Variants in EIF4E3 observed in about 807,000 individuals in gnomAD.
EIF4E3 encodes the protein eukaryotic translation initiation factor 4E type 3.
Under a neutral mutation model 31.7 loss-of-function variants are expected in EIF4E3, and 26 were observed. The ratio of observed to expected loss-of-function variants is 0.82; its 90% CI spans 0.60 to 1.14. The LOEUF (loss-of-function observed/expected upper bound fraction) is 1.14. Among genes scored for constraint, EIF4E3 ranks in the 50% most tolerant of loss-of-function variants. EIF4E3 has a pLI of 0.00. For missense variants in EIF4E3, 304 were observed against 270.9 expected (o/e 1.12, Z -0.86); for synonymous variants, 128 against 107.7 (o/e 1.19, Z -1.17).
Position 71,699,654 on chromosome 3 carries a change from A to G in EIF4E3, c.304T>C (p.Cys102Arg). The G allele has an allele frequency of 6.2e-7, 1 of 1,613,768 alleles. No individual in the cohort carries two copies. The highest frequency in any genetic ancestry group is 8.5e-7 in the Non-Finnish European group (1 of 1,179,892). ...TCTCCTCTCATTAAATGATAACTAC[A>G]TCTCAAAGGCAGGCTAGTCACAGGA... ...IPPVTSLPLRCSYHLMRGERR... is the reference protein window; with the variant it reads ...IPPVTSLPLRRSYHLMRGERR... Residue 102 changes from cysteine (C) to arginine (R), a missense_variant, in exon 3 of 7, where the codon TGT becomes CGT. Coordinates refer to ENST00000425534, the MANE Select transcript of EIF4E3 (RefSeq NM_001134651.2).
At chr3:71,717,223 A>C (rs1369833041) in intron 1 of EIF4E3, among the ~76,000 whole-genome samples, 1 of 152,178 alleles carries the variant, frequency 6.6e-6, no homozygotes, top group Non-Finnish European at 1.5e-5. Context: ...TCCTCATGAG[A>C]CCTGCTAAAT....
chr3:71,722,928 T>C (rs777635297), intron 1 of EIF4E3, among the ~76,000 whole-genome samples: 1 of 152,216 alleles, frequency 6.6e-6, no homozygotes, highest in Non-Finnish European at 1.5e-5. Context: ...CTGTGAGACA[T>C]AGCCTATGAC....
rs1172405482 is a variant in EIF4E3, at chr3:71,677,646, A to T, written c.*7036T>A. On this transcript the variant is annotated 3_prime_UTR_variant, in exon 7 of 7. Transcript: ENST00000425534. ...GCCCTGCTCTTCAACGATTTCATTAAATTCGCTGTGTTAAAATTAATTAGG... is the reference window on the plus strand; with the variant it reads ...GCCCTGCTCTTCAACGATTTCATTATATTCGCTGTGTTAAAATTAATTAGG... 2 of 152,212 alleles carry T rather than the reference A, an allele frequency of 1.3e-5. No individual in the cohort carries two copies. Among genetic ancestry groups the T allele is most frequent in the Non-Finnish European group, 2.9e-5 (2 of 68,030 alleles). The allele number at this position is 152,212 out of a possible 1,614,324, so 9.4% of individuals were successfully genotyped here.
intron 1 of EIF4E3, among the ~76,000 whole-genome samples, chr3:71,739,987 G>A (rs1374510640): frequency 2.6e-5 from 4 of 152,112 alleles, no homozygotes; most frequent in Non-Finnish European, 4.4e-5. Flanking sequence ...AATTGTTATA[G>A]TGTATGTGAA....
At chr3:71,754,039 G>A, upstream of EIF4E3, 2 of 1,223,954 alleles carry the variant, frequency 1.6e-6, no homozygotes, top group Non-Finnish European at 1.0e-6. The surrounding 1 kb of genome is among the most constrained non-coding windows in gnomAD (Gnocchi z 5.8). Context: ...GCACGGCCTG[G>A]TGAGGCCGCG....
intron 1 of EIF4E3, among the ~76,000 whole-genome samples, chr3:71,743,477 G>A (rs1012821628): frequency 8.5e-5 from 13 of 152,126 alleles, no homozygotes; most frequent in African/African-American, 3.1e-4. Flanking sequence ...AGAAATAAAA[G>A]AAGAGCTGAA....
At chr3:71,754,697 CG>C, upstream of EIF4E3, 1 of 1,492,164 alleles carries the variant, frequency 6.7e-7, no homozygotes. This position sits in a 1 kb window ranked among gnomAD's most constrained non-coding sequence, Gnocchi z 5.8. Flanking sequence ...AGATGCGGCC[CG>C]CGCGCCTGGT....
intron 1 of EIF4E3, among the ~76,000 whole-genome samples, chr3:71,752,687 G>A (rs750297737): frequency 1.3e-5 from 2 of 152,218 alleles, no homozygotes; most frequent in Non-Finnish European, 2.9e-5. Flanking sequence ...AGCCTAGTTA[G>A]AAGAGCATGA....
the EIF4E3 span, among the ~76,000 whole-genome samples, chr3:71,665,753 C>T: frequency 6.6e-6 from 1 of 152,198 alleles, no homozygotes; most frequent in Non-Finnish European, 1.5e-5. Flanking sequence ...AACAGTCTCT[C>T]CGACCACAGT....
At position 71,677,979 on chromosome 3, in the gene EIF4E3, C is replaced by T. The variant is rs1449460176; in HGVS notation, c.*6703G>A. The stretch of plus-strand genomic sequence containing the variant: ...GTTTTCTAAGAGACCCAGATGAGCC[C>T]TATTATCAAATGTGTTCAACAGGGA... On this transcript the variant is annotated 3_prime_UTR_variant, in exon 7 of 7. Coordinates refer to ENST00000425534, the MANE Select transcript of EIF4E3 (RefSeq NM_001134651.2). 2.0e-5 allele frequency: 3 copies of T among 152,114 alleles called. No individual in the cohort carries two copies. Among genetic ancestry groups the T allele is most frequent in the Admixed American group, 6.5e-5 (1 of 15,276 alleles). The allele number at this position is 152,114 out of a possible 1,614,324, so 9.4% of individuals were successfully genotyped here.
downstream of EIF4E3, among the ~76,000 whole-genome samples, chr3:71,671,830 G>A (rs1319240784): frequency 1.3e-5 from 2 of 151,298 alleles, no homozygotes; most frequent in Non-Finnish European, 2.9e-5. Context: ...AAGCCTTTTT[G>A]GGAAGGACAT....
chr3:71,738,418 C>G (rs374363398), intron 1 of EIF4E3, among the ~76,000 whole-genome samples: 4 of 152,070 alleles, frequency 2.6e-5, no homozygotes, highest in African/African-American at 7.2e-5. Context: ...ATAAAAAACT[C>G]ACTTCAAATA....
intron 1 of EIF4E3, among the ~76,000 whole-genome samples, chr3:71,710,743 A>C (rs562883467): frequency 6.6e-6 from 1 of 152,362 alleles, no homozygotes; most frequent in East Asian, 1.9e-4. Context: ...TTAATAAGAA[A>C]GGGAATGGAC....
intron 2 of EIF4E3, among the ~76,000 whole-genome samples, chr3:71,700,571 A>G (rs1429339349): frequency 1.4e-5 from 2 of 147,622 alleles, no homozygotes; most frequent in African/African-American, 5.0e-5. Context: ...CCGAGATCAC[A>G]CCATTGCACT....
the EIF4E3 span, among the ~76,000 whole-genome samples, chr3:71,662,275 A>G: frequency 6.6e-6 from 1 of 152,156 alleles, no homozygotes; most frequent in Non-Finnish European, 1.5e-5. Flanking sequence ...GGAATCACAC[A>G]GGGCTGTGGT....
upstream of EIF4E3, chr3:71,754,013 G>C (rs1214881238): frequency 9.1e-7 from 1 of 1,096,958 alleles, no homozygotes; most frequent in South Asian, 4.2e-5. This position sits in a 1 kb window ranked among gnomAD's most constrained non-coding sequence, Gnocchi z 5.8. Context: ...GGCAGGGGAC[G>C]GCCCCGGGGC....
intron 3 of EIF4E3, among the ~76,000 whole-genome samples, chr3:71,698,449 T>C (rs2049170563): frequency 2.0e-5 from 3 of 152,212 alleles, no homozygotes; most frequent in Non-Finnish European, 4.4e-5. Context: ...ATCTGCTGTG[T>C]GTCACTGCTT....
chr3:71,707,982 T>A (rs2049319383), intron 2 of EIF4E3, among the ~76,000 whole-genome samples: 1 of 150,580 alleles, frequency 6.6e-6, no homozygotes, highest in African/African-American at 2.5e-5. Flanking sequence ...ACTTCCCGGG[T>A]TAAAGCAATT....
chr3:71,725,228 A>G lies in EIF4E3; in HGVS notation c.140T>C (p.Val47Ala). 1 of 1,132,322 alleles carries G rather than the reference A, an allele frequency of 8.8e-7. No individual in the cohort carries two copies. Among genetic ancestry groups the G allele is most frequent in the South Asian group, 2.4e-5 (1 of 42,192 alleles). 70.1% of individuals were successfully genotyped at this position (1,132,322 alleles called of 1,614,324 possible). Residue 47 changes from valine to alanine, a missense_variant, in exon 1 of 7, where the codon GTC (valine) becomes GCC (alanine). Coordinates refer to ENST00000425534, the MANE Select transcript of EIF4E3 (RefSeq NM_001134651.2). The surrounding 1 kb of genome is among the most constrained non-coding windows in gnomAD (Gnocchi z 6.1). ...LSALQPEPGG[V>A]PLHSSWTFWL... is the part of the protein sequence containing the mutation. ...GAAGGTCCAGGACGAGTGCAGCGGG[A>G]CCCCGCCCGGCTCAGGCTGCAGCGC... is the stretch of plus-strand genomic sequence containing the variant.
Sources: allele counts gnomAD v4.1 joint callset (sites outside exome capture counted in the v4.1 genomes callset), GRCh38; gene constraint gnomAD v4.1.1; non-coding constraint Gnocchi (gnomAD v3.1); transcripts MANE v1.5; gene names NCBI Gene and HGNC (gene_info 2026-07-23, HGNC 2026-07-21).